RORC: variants seen among roughly 807,000 people sequenced by gnomAD.
RORC encodes the protein nuclear receptor ROR-gamma.
In RORC, 13 loss-of-function variants were observed where a neutral mutation model predicts 64.5. The ratio of observed to expected loss-of-function variants is 0.20; its 90% confidence interval spans 0.13 to 0.32. RORC has a LOEUF of 0.32. Ranked by LOEUF, RORC falls within the 10% of genes least tolerant of loss-of-function variation. The pLI is 1.00. For missense variants in RORC, 468 were observed against 669.5 expected, an observed-to-expected ratio of 0.70 and a Z score of 3.32; for synonymous variants, 277 against 259.3, an observed-to-expected ratio of 1.07 and a Z score of -0.65.
intron 10 of RORC, among the ~76,000 whole-genome samples, chr1:151,810,780 G>A (rs1651494495): frequency 6.6e-6 from 1 of 152,080 alleles, no homozygotes; most frequent in African/African-American, 2.4e-5. Context: ...TGATCCACCC[G>A]CCTTGGCCTC....
chr1:151,811,492 A>C lies in RORC; in HGVS notation c.1286-58T>G, dbSNP rs903947303. The stretch of plus-strand genomic sequence containing the variant: ...AGAAAGAACATGGACATTAACTCCC[A>C]ACAAAAGGGTGTATCTTTGTGGACA... On this transcript the variant is annotated intron_variant, in intron 9 of 10. Transcript: ENST00000318247. 3.9e-5 allele frequency: 41 copies of C among 1,064,258 alleles called. No individual in the cohort carries two copies. In the Admixed American group the frequency reaches 6.1e-4, roughly 16 times the overall value. The allele number at this position is 1,064,258 out of a possible 1,614,324, so 65.9% of individuals were successfully genotyped here.
chr1:151,813,884 C>A (rs1437713981), intron 6 of RORC: 5 of 465,700 alleles, frequency 1.1e-5, no homozygotes, highest in Non-Finnish European at 1.6e-5. Flanking sequence ...TGCCCTCCAA[C>A]AAGGTATATC....
chr1:151,828,781 C>T (rs1652290573), intron 2 of RORC, among the ~76,000 whole-genome samples: 1 of 152,104 alleles, frequency 6.6e-6, no homozygotes, highest in African/African-American at 2.4e-5. Context: ...GAGTCTGAGA[C>T]CAGCCTGACC....
At chr1:151,816,580 G>A in intron 4 of RORC, 84 bp downstream of exon 4, 1 of 1,399,694 alleles carries the variant, frequency 7.1e-7, no homozygotes, top group Admixed American at 2.3e-5. Context: ...CGTCTTGCAG[G>A]TTAAGCCTTG....
At chr1:151,814,029 A>C (rs1651645670) in intron 6 of RORC, 1 of 182,252 alleles carries the variant, frequency 5.5e-6, no homozygotes, top group East Asian at 1.5e-4. Flanking sequence ...GTGTGATCGA[A>C]AAGGCAGCAT....
chr1:151,808,252 A>T (rs11588258), intron 10 of RORC, among the ~76,000 whole-genome samples: 17,381 of 152,246 alleles, frequency 0.11, 1,055 homozygotes, highest in Non-Finnish European at 0.13. Flanking sequence ...AACTCTTTGA[A>T]CTAAACAGAC....
intron 2 of RORC, among the ~76,000 whole-genome samples, chr1:151,821,333 G>A (rs930748209): frequency 6.6e-6 from 1 of 152,152 alleles, no homozygotes; most frequent in African/African-American, 2.4e-5. Context: ...TAGAGAATGG[G>A]TTCACACAGA....
intron 2 of RORC, chr1:151,825,871 C>T: frequency 1.9e-6 from 3 of 1,598,312 alleles, no homozygotes; most frequent in Non-Finnish European, 2.6e-6. Context: ...ATCCTCCTTT[C>T]CAGAGGGGTG....
At chr1:151,827,700 T>TGCCTTCCTGG (rs1390292462) in intron 2 of RORC, among the ~76,000 whole-genome samples, 2 of 152,170 alleles carry the variant, frequency 1.3e-5, no homozygotes, top group South Asian at 2.1e-4. Context: ...GGCCTTTCCT[T>TGCCTTCCTGG]GCCTTCCTGG....
At chr1:151,820,625 G>C (rs1275331653) in intron 2 of RORC, among the ~76,000 whole-genome samples, 1 of 152,190 alleles carries the variant, frequency 6.6e-6, no homozygotes, top group East Asian at 1.9e-4. Flanking sequence ...TCCTGAGAGA[G>C]AGCTTTCTCC....
At chr1:151,823,238 A>G (rs1036563307) in intron 2 of RORC, among the ~76,000 whole-genome samples, 1 of 152,082 alleles carries the variant, frequency 6.6e-6, no homozygotes, top group Non-Finnish European at 1.5e-5. Flanking sequence ...GTTCCTCATG[A>G]TCATGACCAA....
chr1:151,824,442 G>T (rs1390787010), intron 2 of RORC, among the ~76,000 whole-genome samples: 1 of 152,148 alleles, frequency 6.6e-6, no homozygotes, highest in African/African-American at 2.4e-5. Flanking sequence ...GCCATCTCTG[G>T]GAAGACCAGT....
chr1:151,822,191 T>C lies in RORC; in HGVS notation c.71-4911A>G, dbSNP rs923434017. 5.3e-5 allele frequency among the ~76,000 whole-genome samples: 8 copies of C among 150,946 alleles called. No homozygotes were observed. In the South Asian group the frequency reaches 8.4e-4, roughly 16 times the overall value. On this transcript the variant is annotated intron_variant, in intron 2 of 10. Transcript: ENST00000318247. Reference sequence around the variant, plus strand: ...ACCACAGCTCCGGTCAGGGGTCACTTGCACACCCCAACCTGTCACCAGCCT... The same window carrying C: ...ACCACAGCTCCGGTCAGGGGTCACTCGCACACCCCAACCTGTCACCAGCCT...
intron 2 of RORC, chr1:151,825,970 T>C (rs1432795540): frequency 6.2e-7 from 1 of 1,612,396 alleles, no homozygotes; most frequent in Non-Finnish European, 8.5e-7. Context: ...CTTGGCTCCC[T>C]GTCCTTCTCA....
At chr1:151,829,182 CCCTTTT>C (rs917006307) in intron 2 of RORC, among the ~76,000 whole-genome samples, 1 of 149,980 alleles carries the variant, frequency 6.7e-6, no homozygotes, top group Non-Finnish European at 1.5e-5. Context: ...CAAGGCGGTT[CCCTTTT>C]CCTTTGTTCT....
chr1:151,824,728 C>T (rs2101673038), intron 2 of RORC, among the ~76,000 whole-genome samples: 1 of 152,306 alleles, frequency 6.6e-6, no homozygotes, highest in Middle Eastern at 3.4e-3. Context: ...GGCCCTGGGC[C>T]TTTGGAATGG....
At chr1:151,831,576 T>G in intron 1 of RORC, 149 bp downstream of exon 1, 2 of 1,506,808 alleles carry the variant, frequency 1.3e-6, no homozygotes, top group Non-Finnish European at 1.8e-6. Flanking sequence ...TCTCCTCCAG[T>G]TTCACTCCCT....
intron 2 of RORC, among the ~76,000 whole-genome samples, chr1:151,819,677 A>G (rs557287187): frequency 7.9e-5 from 12 of 152,264 alleles, no homozygotes; most frequent in African/African-American, 2.6e-4. Flanking sequence ...GTGTGTGCTG[A>G]CCACATGGTG....
rs1652376485 is a variant in RORC at position 151,830,676 on chromosome 1, CGGG to C, written c.40+1046_40+1048del. Among the ~76,000 whole-genome samples the C allele has an allele frequency of 1.6e-5, 1 of 61,792 alleles. No homozygotes were observed. The highest frequency in any genetic ancestry group is 5.2e-5 in the African/African-American group (1 of 19,416). The allele number at this position is 61,792 out of a possible 152,430, so 40.5% of individuals were successfully genotyped here. A position where few individuals can be genotyped will look rare whatever the true frequency, so the allele number is the denominator to read the frequency against. On this transcript the variant is annotated intron_variant, in intron 1 of 10. Coordinates refer to ENST00000318247, the MANE Select transcript of RORC (RefSeq NM_005060.4). This position sits in a 1 kb window ranked among gnomAD's most constrained non-coding sequence, Gnocchi z 4.0. Reference sequence around the variant, plus strand: ...CACACACACACAGTGCCCTTCTGCCCGGGAGATGCTCCCCACTGGCAGGCCGTG... The same window carrying C: ...CACACACACACAGTGCCCTTCTGCCCAGATGCTCCCCACTGGCAGGCCGTG...
Sources: gnomAD v4.1 joint callset for allele counts (sites outside exome capture counted in the v4.1 genomes callset) on GRCh38, gnomAD v4.1.1 for gene constraint, Gnocchi (gnomAD v3.1) non-coding constraint, MANE v1.5 for transcripts, NCBI Gene and HGNC (gene_info 2026-07-23, HGNC 2026-07-21) for gene names.